The following NALF1 variants were observed in gnomAD, a reference collection of about 807,000 sequenced individuals.
The protein encoded by NALF1 is NALCN channel auxiliary factor 1.
In NALF1, 3 loss-of-function variants were observed where a neutral mutation model predicts 48.4. That is an observed-to-expected ratio of 0.06 (90% CI 0.03 to 0.16). NALF1 has a LOEUF of 0.16. Among genes scored for constraint, NALF1 ranks in the 10% least tolerant of loss-of-function variants. The pLI is 1.00. For missense variants in NALF1, 526 were observed against 571.5 expected (o/e 0.92, Z 0.81); for synonymous variants, 262 against 245.7 (o/e 1.07, Z -0.62).
chr13:107,865,778 G>C lies in NALF1; in HGVS notation c.819C>G (p.His273Gln), dbSNP rs749934746. Residue 273 changes from histidine to glutamine, a missense_variant, in exon 1 of 3, where the codon CAC becomes CAG. Around this residue, in one of 2 missense-constraint regions of NALF1, gnomAD observed 373 missense variants for 355.5 expected, o/e 1.05. Transcript: ENST00000375915. ...QCVEAYQDYD[H>Q]HAQEKYEEFE... ...ACTCTTCGTATTTCTCCTGAGCATGGTGGTCATAGTCCTGGTAAGCCTCGA... is the reference window on the plus strand; with the variant it reads ...ACTCTTCGTATTTCTCCTGAGCATGCTGGTCATAGTCCTGGTAAGCCTCGA... 6.2e-7 allele frequency: 1 copy of C among 1,614,060 alleles called. No homozygotes were observed. Among genetic ancestry groups the C allele is most frequent in the South Asian group, 1.1e-5 (1 of 91,078 alleles).
intron 1 of NALF1, among the ~76,000 whole-genome samples, chr13:107,489,773 C>T (rs929939772): frequency 6.6e-6 from 1 of 151,932 alleles, no homozygotes. Context: ...TTCTGCATAG[C>T]AAAAGAAACT....
At chr13:107,503,806 CCT>C (rs1875604204) in intron 1 of NALF1, among the ~76,000 whole-genome samples, 1 of 140,994 alleles carries the variant, frequency 7.1e-6, no homozygotes, top group African/African-American at 2.5e-5. Context: ...TATTATTCAG[CCT>C]TAAAAAAAGA....
intron 2 of NALF1, among the ~76,000 whole-genome samples, chr13:107,172,099 T>C (rs61965357): frequency 0.036 from 5,553 of 152,288 alleles, 158 homozygotes; most frequent in Non-Finnish European, 0.059. Flanking sequence ...CAAGCCTGTA[T>C]CACTCGCCAA....
At chr13:107,268,777 G>C (rs988715469) in intron 1 of NALF1, among the ~76,000 whole-genome samples, 4 of 152,180 alleles carry the variant, frequency 2.6e-5, no homozygotes, top group African/African-American at 9.7e-5. Context: ...CCAGTCAAAA[G>C]AAGCAGTGTG....
intron 1 of NALF1, among the ~76,000 whole-genome samples, chr13:107,551,195 A>T (rs1374325992): frequency 6.6e-6 from 1 of 152,156 alleles, no homozygotes; most frequent in Non-Finnish European, 1.5e-5. Flanking sequence ...GAACGAAGAC[A>T]TCTGTTACCT....
intron 1 of NALF1, among the ~76,000 whole-genome samples, chr13:107,244,471 T>A (rs1880539069): frequency 6.6e-6 from 1 of 152,230 alleles, no homozygotes; most frequent in Non-Finnish European, 1.5e-5. Context: ...AATATGACCT[T>A]TATTCTTAAG....
At chr13:107,271,594 A>G (rs9558989) in intron 1 of NALF1, among the ~76,000 whole-genome samples, 102,342 of 150,212 alleles carry the variant, frequency 0.68, 35,690 homozygotes, top group South Asian at 0.81. Flanking sequence ...AGGTATTGCA[A>G]GATAGCAAGT....
At chr13:107,428,079 A>G (rs973358237) in intron 1 of NALF1, among the ~76,000 whole-genome samples, 2 of 152,154 alleles carry the variant, frequency 1.3e-5, no homozygotes, top group African/African-American at 4.8e-5. Flanking sequence ...CTTCGAAAAG[A>G]GGGAGGATGA....
At chr13:107,468,338 G>A (rs1885042273) in intron 1 of NALF1, among the ~76,000 whole-genome samples, 1 of 152,138 alleles carries the variant, frequency 6.6e-6, no homozygotes. Flanking sequence ...CAGGTACAAA[G>A]ATGTATACAT....
At chr13:107,219,511 T>A (rs899053854) in intron 1 of NALF1, among the ~76,000 whole-genome samples, 1 of 152,190 alleles carries the variant, frequency 6.6e-6, no homozygotes, top group Non-Finnish European at 1.5e-5. Flanking sequence ...AATCTGAAAC[T>A]AATCTAAGGA....
intron 1 of NALF1, among the ~76,000 whole-genome samples, chr13:107,289,804 A>G (rs1395141400): frequency 6.6e-6 from 1 of 152,220 alleles, no homozygotes; most frequent in Non-Finnish European, 1.5e-5. Flanking sequence ...AGATGTTTCA[A>G]TGACTAAAAG....
At chr13:107,771,641 C>T (rs1433624168) in intron 1 of NALF1, among the ~76,000 whole-genome samples, 1 of 151,928 alleles carries the variant, frequency 6.6e-6, no homozygotes, top group Non-Finnish European at 1.5e-5. Flanking sequence ...GCATTCCTAG[C>T]CTGTAGATGT....
At position 107,723,654 on chromosome 13, in the gene NALF1, T is replaced by C. The variant is rs76422391; in HGVS notation, c.915+142028A>G. ...AACAAGAAGTGTTTGATTCAACATA[T>C]GACTGAGGGCAATAGGGCCCGATAA... On this transcript the variant is annotated intron_variant, in intron 1 of 2. Coordinates refer to ENST00000375915, the MANE Select transcript of NALF1 (RefSeq NM_001080396.3). Among the ~76,000 whole-genome samples the C allele has an allele frequency of 4.6e-3, 704 of 152,256 alleles. 7 individuals are homozygous for C. Among genetic ancestry groups the C allele is most frequent in the African/African-American group, 0.015 (629 of 41,546 alleles).
In NALF1 at chr13:107,778,061, T is replaced by C. The variant is rs148294994; in HGVS notation, c.915+87621A>G. Among the ~76,000 whole-genome samples the C allele has an allele frequency of 2.4e-3, 373 of 152,332 alleles. 1 individual carries two copies. The highest frequency in any genetic ancestry group is 7.8e-3 in the African/African-American group (323 of 41,564). ...TAGATTCAAATTGCACATTTTACTTTTTAAATAATTGACTCCAAATCCTGC... is the reference window on the plus strand; with the variant it reads ...TAGATTCAAATTGCACATTTTACTTCTTAAATAATTGACTCCAAATCCTGC... On this transcript the variant is annotated intron_variant, in intron 1 of 2. Transcript: ENST00000375915.
At chr13:107,486,519 C>G (rs1378501934) in intron 1 of NALF1, among the ~76,000 whole-genome samples, 1 of 152,084 alleles carries the variant, frequency 6.6e-6, no homozygotes, top group African/African-American at 2.4e-5. Context: ...CAGAGCAGGT[C>G]TGGATATCAG....
chr13:107,577,040 A>G (rs1878174365), intron 1 of NALF1, among the ~76,000 whole-genome samples: 1 of 152,166 alleles, frequency 6.6e-6, no homozygotes, highest in South Asian at 2.1e-4. Context: ...TAAGTAACAT[A>G]AACTTGTTTC....
intron 2 of NALF1, among the ~76,000 whole-genome samples, chr13:107,202,811 A>G (rs1879549775): frequency 1.3e-5 from 2 of 152,214 alleles, no homozygotes; most frequent in Non-Finnish European, 2.9e-5. Context: ...GTACATAGCA[A>G]GGAAACAATG....
intron 1 of NALF1, among the ~76,000 whole-genome samples, chr13:107,319,596 T>A (rs1407534279): frequency 6.6e-6 from 1 of 152,106 alleles, no homozygotes; most frequent in African/African-American, 2.4e-5. Context: ...GAAACACATA[T>A]AAATATTTAA....
At chr13:107,636,829 C>A (rs924835939) in intron 1 of NALF1, among the ~76,000 whole-genome samples, 1 of 150,680 alleles carries the variant, frequency 6.6e-6, no homozygotes, top group African/African-American at 2.4e-5. Flanking sequence ...ATGAGGTAAA[C>A]CTGATCCATT....
Sources: gnomAD v4.1 joint callset for allele counts (sites outside exome capture counted in the v4.1 genomes callset) on GRCh38, gnomAD v4.1.1 for gene constraint, gnomAD v4.1.1 regional missense constraint, MANE v1.5 for transcripts, NCBI Gene and HGNC (gene_info 2026-07-23, HGNC 2026-07-21) for gene names.